FRMD1: variants seen among roughly 807,000 people sequenced by gnomAD.
The protein encoded by FRMD1 is FERM domain containing 1.
A neutral mutation model predicts 54.9 loss-of-function variants in FRMD1; 51 were observed. The observed-to-expected ratio is 0.93, with a 90% confidence interval of 0.74 to 1.17. The LOEUF (loss-of-function observed/expected upper bound fraction) is 1.17, where lower values mean the gene tolerates loss of function less well. Among genes scored for constraint, FRMD1 ranks in the 50% most tolerant of loss-of-function variants. FRMD1 has a pLI of 0.00. For missense variants in FRMD1, 729 were observed against 743.0 expected, an observed-to-expected ratio of 0.98 and a Z score of 0.22; for synonymous variants, 324 against 306.4, an observed-to-expected ratio of 1.06 and a Z score of -0.60.
upstream of FRMD1, chr6:168,081,394 C>A (rs549447677): frequency 1.2e-4 from 181 of 1,535,208 alleles, no homozygotes; most frequent in East Asian, 3.3e-3. Context: ...AAGAGGCTGG[C>A]CTGCCACGTT....
rs1285184994 is a variant in FRMD1, at chr6:168,060,369, T to TG, written c.1342+391dup. On this transcript the variant is annotated intron_variant, in intron 9 of 10. Coordinates refer to ENST00000283309, the MANE Select transcript of FRMD1 (RefSeq NM_024919.6). ...TGGGAGGGGGGTTCTTCCTAGGAGT[T>TG]GGGGGGGTGCTTCCTAGGGGCCAGG... Among the ~76,000 whole-genome samples the TG allele has an allele frequency of 4.5e-4, 12 of 26,678 alleles. No homozygotes were observed. In the East Asian group the frequency reaches 0.013, roughly 29 times the overall value. The allele number at this position is 26,678 out of a possible 152,430, so 17.5% of individuals were successfully genotyped here.
chr6:168,080,984 C>T (rs1800813448), upstream of FRMD1, among the ~76,000 whole-genome samples: 1 of 152,120 alleles, frequency 6.6e-6, no homozygotes, highest in Non-Finnish European at 1.5e-5. Flanking sequence ...GGAAACTCCA[C>T]ATTTGTATTG....
chr6:168,087,121 G>A (rs1800934775), intron 1 of FRMD1, among the ~76,000 whole-genome samples: 1 of 151,860 alleles, frequency 6.6e-6, no homozygotes, highest in Non-Finnish European at 1.5e-5. Context: ...AGGCTGGAAT[G>A]CAGTGGTGTG....
upstream of FRMD1, among the ~76,000 whole-genome samples, chr6:168,085,335 A>G (rs1800899227): frequency 6.6e-6 from 1 of 152,218 alleles, no homozygotes; most frequent in African/African-American, 2.4e-5. Flanking sequence ...AGGATGGCCA[A>G]CACTCCAGCC....
At chr6:168,061,671 A>T in intron 8 of FRMD1, 136 bp downstream of exon 8, 2 of 951,138 alleles carry the variant, frequency 2.1e-6, no homozygotes, top group Non-Finnish European at 3.1e-6. Context: ...CGACCTCAGC[A>T]TCTGGGGGAC....
chr6:168,060,754 G>A lies in FRMD1; in HGVS notation c.1342+7C>T. 1.9e-6 allele frequency: 3 copies of A among 1,603,596 alleles called. No individual in the cohort carries two copies. Among genetic ancestry groups the A allele is most frequent in the Non-Finnish European group, 1.7e-6 (2 of 1,173,212 alleles). ...CCCTGAGGCCTGGGCATCTCCCTCG[G>A]GCCCACCTTGGCTGTCACCACGTGT... is the stretch of plus-strand genomic sequence containing the variant. On this transcript the variant is annotated splice_region_variant and intron_variant, in intron 9 of 10. Transcript: ENST00000283309.
upstream of FRMD1, among the ~76,000 whole-genome samples, chr6:168,085,566 A>C (rs1055699528): frequency 2.6e-5 from 4 of 152,324 alleles, no homozygotes; most frequent in Middle Eastern, 3.4e-3. Context: ...GGGGGTGTGC[A>C]GAGGAGGTCG....
At chr6:168,083,909 T>G (rs534702023), upstream of FRMD1, among the ~76,000 whole-genome samples, 1 of 152,310 alleles carries the variant, frequency 6.6e-6, no homozygotes, top group South Asian at 2.1e-4. Context: ...GTAAATCAAT[T>G]TACTTGTTAC....
At position 168,061,802 on chromosome 6, in the gene FRMD1, C is replaced by G. The variant is rs774562109; in HGVS notation, c.1045+5G>C. The G allele has an allele frequency of 7.7e-6, 12 of 1,548,632 alleles. No homozygotes were observed. In the East Asian group the frequency reaches 2.9e-4, roughly 38 times the overall value. On this transcript the variant is annotated splice_donor_5th_base_variant and intron_variant, in intron 8 of 10. Coordinates refer to ENST00000283309, the MANE Select transcript of FRMD1 (RefSeq NM_024919.6). The stretch of plus-strand genomic sequence containing the variant: ...CGGAGCCCAGCATACCCAGCCCAGC[C>G]CCACCTTCTGCCTCCTCCCGCTGCC...
At chr6:168,063,788 C>A (rs769915656) in intron 5 of FRMD1, 32 bp from the exon 6 acceptor site, 5 of 1,572,794 alleles carry the variant, frequency 3.2e-6, no homozygotes, top group Non-Finnish European at 4.3e-6. Flanking sequence ...CAGCTCAGAC[C>A]CCTGCTGGTC....
At chr6:168,074,435 C>A (rs552515881) in intron 2 of FRMD1, among the ~76,000 whole-genome samples, 1 of 151,966 alleles carries the variant, frequency 6.6e-6, no homozygotes, top group South Asian at 2.1e-4. Context: ...CACATGTGTA[C>A]ATGTGCGAGT....
At chr6:168,092,975 C>G (rs888663025) in intron 1 of FRMD1, 2 of 152,360 alleles carry the variant, frequency 1.3e-5, no homozygotes, top group Admixed American at 6.5e-5. Context: ...ACTCACAGTT[C>G]CACATGGCTG....
At chr6:168,062,402 T>C (rs1239512078) in intron 7 of FRMD1, among the ~76,000 whole-genome samples, 1 of 152,224 alleles carries the variant, frequency 6.6e-6, no homozygotes, top group African/African-American at 2.4e-5. Context: ...TGACCTGCTC[T>C]TCTTTTCTCC....
At chr6:168,091,775 G>A (rs1423010965) in intron 1 of FRMD1, among the ~76,000 whole-genome samples, 2 of 152,216 alleles carry the variant, frequency 1.3e-5, no homozygotes, top group Non-Finnish European at 2.9e-5. Context: ...ATGCTACTCC[G>A]CGGAAGCGAA....
In FRMD1 at chr6:168,053,928, A is replaced by G. The variant is rs1487842303; in HGVS notation, c.*3169T>C. 5.3e-5 allele frequency: 8 copies of G among 152,178 alleles called. No individual in the cohort carries two copies. Among genetic ancestry groups the G allele is most frequent in the Non-Finnish European group, 1.2e-4 (8 of 68,054 alleles). 9.4% of individuals were successfully genotyped at this position (152,178 alleles called of 1,614,324 possible). On this transcript the variant is annotated 3_prime_UTR_variant, in exon 11 of 11. Coordinates refer to ENST00000283309, the MANE Select transcript of FRMD1 (RefSeq NM_024919.6). ...CAAGAGCAGAGCTTCTCAGGCCGTC[A>G]ATTACTGCAGATGGAGCAGGCTTTC...
At position 168,057,160 on chromosome 6, in the gene FRMD1, C is replaced by T. The variant is rs543319249; in HGVS notation, c.1587G>A (p.Arg529=). ...CETRATLPSK[R]SSNCLALDLF... ...GGTCCAGGGCGAGACAGTTGCTGGA[C>T]CTCTTGCTGGGGAGAGTGGCCCTGG... Residue 529 remains arginine (R), a synonymous_variant, in exon 11 of 11, where the codon AGG becomes AGA. Transcript: ENST00000283309. 58 of 1,574,992 alleles carry T rather than the reference C, an allele frequency of 3.7e-5. No homozygotes were observed. In the East Asian group the frequency reaches 6.2e-4, roughly 17 times the overall value.
intron 5 of FRMD1, 134 bp downstream of exon 5, chr6:168,064,737 C>G: frequency 1.4e-6 from 2 of 1,427,638 alleles, no homozygotes; most frequent in Non-Finnish European, 1.8e-6. Context: ...AGGTGATTGC[C>G]CTGTTTCCAT....
chr6:168,067,828 G>T (rs1054185124), intron 2 of FRMD1, among the ~76,000 whole-genome samples: 2 of 152,122 alleles, frequency 1.3e-5, no homozygotes, highest in African/African-American at 4.8e-5. Flanking sequence ...GAGATGTCAG[G>T]GTTGGATGCG....
chr6:168,084,807 T>A (rs956005502), upstream of FRMD1, among the ~76,000 whole-genome samples: 4 of 152,220 alleles, frequency 2.6e-5, no homozygotes, highest in Non-Finnish European at 5.9e-5. Flanking sequence ...AGGCGTCCCA[T>A]GGTCGAGAGG....
Sources: allele counts gnomAD v4.1 joint callset (sites outside exome capture counted in the v4.1 genomes callset), GRCh38; gene constraint gnomAD v4.1.1; transcripts MANE v1.5; gene names NCBI Gene and HGNC (gene_info 2026-07-23, HGNC 2026-07-21).